Variants in THSD7B observed in about 807,000 individuals in gnomAD.
The protein encoded by THSD7B is thrombospondin type-1 domain-containing protein 7B.
Under a neutral mutation model 213.6 loss-of-function variants are expected in THSD7B, and 138 were observed. The ratio of observed to expected loss-of-function variants is 0.65; its 90% CI spans 0.56 to 0.74. The LOEUF (loss-of-function observed/expected upper bound fraction) is 0.74, where lower values mean the gene tolerates loss of function less well. THSD7B is among the 30% of genes least tolerant of loss of function. The pLI, the probability that THSD7B is intolerant of heterozygous loss-of-function variation, is 0.00. For synonymous variants in THSD7B, 742 were observed against 687.0 expected, an observed-to-expected ratio of 1.08 and a Z score of -1.25; for missense variants, 1,931 against 1,991.5, an observed-to-expected ratio of 0.97 and a Z score of 0.58.
chr2:137,160,367 A>G lies in THSD7B; in HGVS notation c.1524A>G (p.Lys508=), dbSNP rs370824809. The change falls in exon 6 of 28, where the codon AAA becomes AAG. Residue 508 remains lysine (K), a splice_region_variant and synonymous_variant. Transcript: ENST00000409968. ...HENCHDPQGK[K]GFRTRQRHVL... Reference sequence around the variant, plus strand: ...ACTGTCATGATCCTCAGGGGAAAAAAGGTGAGTGCCTTGTTTGCATGCGCT... The same window carrying G: ...ACTGTCATGATCCTCAGGGGAAAAAGGGTGAGTGCCTTGTTTGCATGCGCT... 7.4e-6 allele frequency: 12 copies of G among 1,611,256 alleles called. No individual in the cohort carries two copies. The highest frequency in any genetic ancestry group is 2.2e-5 in the East Asian group (1 of 44,808).
intron 10 of THSD7B, among the ~76,000 whole-genome samples, chr2:137,267,959 A>G (rs1340172778): frequency 2.0e-5 from 3 of 152,180 alleles, no homozygotes; most frequent in Admixed American, 1.3e-4. Context: ...GCCTTTGCCC[A>G]TCTTCTCTTA....
chr2:136,986,715 C>T (rs1388830106), intron 2 of THSD7B, among the ~76,000 whole-genome samples: 3 of 151,982 alleles, frequency 2.0e-5, no homozygotes, highest in Non-Finnish European at 4.4e-5. Flanking sequence ...TTTTGAAAGT[C>T]AGATTAGTGT....
chr2:137,300,960 G>A (rs1191190579), intron 12 of THSD7B, among the ~76,000 whole-genome samples: 1 of 152,078 alleles, frequency 6.6e-6, no homozygotes, highest in Non-Finnish European at 1.5e-5. Context: ...GGCATGATGA[G>A]GGCCGGTAAA....
At chr2:137,548,240 T>C (rs1338038350) in intron 15 of THSD7B, among the ~76,000 whole-genome samples, 4 of 152,028 alleles carry the variant, frequency 2.6e-5, no homozygotes, top group Admixed American at 2.6e-4. Flanking sequence ...ACAGGAAACT[T>C]GAATGTGTTC....
At chr2:136,853,778 C>A (rs1027512388) in intron 1 of THSD7B, among the ~76,000 whole-genome samples, 1 of 152,120 alleles carries the variant, frequency 6.6e-6, no homozygotes, top group Non-Finnish European at 1.5e-5. Flanking sequence ...GATTAGCATT[C>A]TATTGTGAGA....
intron 17 of THSD7B, among the ~76,000 whole-genome samples, chr2:137,577,957 G>A (rs1326493377): frequency 6.6e-6 from 1 of 152,192 alleles, no homozygotes; most frequent in Non-Finnish European, 1.5e-5. Flanking sequence ...ACATCTAAAA[G>A]TGATGGAATA....
chr2:137,363,438 T>G (rs1035368826), intron 12 of THSD7B, among the ~76,000 whole-genome samples: 3 of 152,048 alleles, frequency 2.0e-5, no homozygotes, highest in Non-Finnish European at 4.4e-5. Flanking sequence ...AAAAAATCAA[T>G]GAATCCAGGA....
At chr2:137,298,698 A>C (rs1683525612) in intron 12 of THSD7B, among the ~76,000 whole-genome samples, 1 of 152,182 alleles carries the variant, frequency 6.6e-6, no homozygotes, top group Admixed American at 6.5e-5. Context: ...GCCAATGTAC[A>C]GCTCAGGCTG....
At chr2:136,956,953 C>T (rs1685136605) in intron 2 of THSD7B, among the ~76,000 whole-genome samples, 1 of 152,110 alleles carries the variant, frequency 6.6e-6, no homozygotes. Flanking sequence ...GCTGGTATTA[C>T]AGGCATGAGC....
chr2:137,109,290 A>G (rs530673952), intron 4 of THSD7B, among the ~76,000 whole-genome samples: 136 of 152,296 alleles, frequency 8.9e-4, no homozygotes, highest in African/African-American at 3.1e-3. Context: ...ATTTTCCAGC[A>G]TATTTGGAAT....
At chr2:137,049,436 A>C (rs1034370614) in intron 2 of THSD7B, among the ~76,000 whole-genome samples, 26 of 152,218 alleles carry the variant, frequency 1.7e-4, no homozygotes, top group African/African-American at 5.3e-4. Flanking sequence ...AGGTTCTTTG[A>C]TCTCATGCAT....
At chr2:137,393,058 G>C (rs1055004154) in intron 12 of THSD7B, among the ~76,000 whole-genome samples, 1 of 151,152 alleles carries the variant, frequency 6.6e-6, no homozygotes, top group Admixed American at 6.6e-5. Flanking sequence ...CTCAATATTT[G>C]CTTATTTGGG....
intron 2 of THSD7B, among the ~76,000 whole-genome samples, chr2:136,967,127 G>GA (rs1437151610): frequency 6.6e-6 from 1 of 151,964 alleles, no homozygotes; most frequent in Admixed American, 6.6e-5. Context: ...GGGAGGTACT[G>GA]AAAAAAGCAT....
chr2:137,265,311 A>G (rs1682561728), intron 10 of THSD7B, among the ~76,000 whole-genome samples: 1 of 152,178 alleles, frequency 6.6e-6, no homozygotes, highest in Non-Finnish European at 1.5e-5. Context: ...AAGTCAGGAA[A>G]CAACAGGTGC....
chr2:137,573,505 T>A (rs959155251), intron 17 of THSD7B, among the ~76,000 whole-genome samples: 2 of 152,098 alleles, frequency 1.3e-5, no homozygotes, highest in African/African-American at 2.4e-5. Context: ...TTGTTATTTT[T>A]ATTTGTTGAG....
At chr2:136,857,179 G>T (rs932478945) in intron 1 of THSD7B, among the ~76,000 whole-genome samples, 7 of 152,152 alleles carry the variant, frequency 4.6e-5, no homozygotes, top group African/African-American at 1.7e-4. Context: ...ATTTGAAATT[G>T]CCACCAATTT....
At position 137,655,590 on chromosome 2, in the gene THSD7B, G is replaced by A. The variant is rs750398830; in HGVS notation, c.4035G>A (p.Glu1345=). 1.2e-6 allele frequency: 2 copies of A among 1,613,044 alleles called. No homozygotes were observed. Among genetic ancestry groups the A allele is most frequent in the South Asian group, 1.1e-5 (1 of 90,726 alleles). ...GSISHAAGRV[E]DALCGEMPFQ... ...TATCTCATGCAGCTGGACGTGTCGAGGATGCACTGTGTGGAGAAATGCCCT... is the reference window on the plus strand; with the variant it reads ...TATCTCATGCAGCTGGACGTGTCGAAGATGCACTGTGTGGAGAAATGCCCT... The change falls in exon 22 of 28, where the codon GAG becomes GAA. Residue 1345 remains glutamate, a synonymous_variant. Transcript: ENST00000409968.
chr2:136,869,553 C>T (rs550809450), intron 1 of THSD7B, among the ~76,000 whole-genome samples: 2 of 152,226 alleles, frequency 1.3e-5, no homozygotes, highest in East Asian at 3.9e-4. Flanking sequence ...TTAACGATAA[C>T]AGTCGTTGTT....
chr2:136,888,922 A>C (rs1162460740), intron 2 of THSD7B, among the ~76,000 whole-genome samples: 1 of 147,604 alleles, frequency 6.8e-6, no homozygotes, highest in Non-Finnish European at 1.5e-5. Flanking sequence ...CATTAAATAA[A>C]ATAAGGGACA....
Sources: gnomAD v4.1 joint callset for allele counts (sites outside exome capture counted in the v4.1 genomes callset) on GRCh38, gnomAD v4.1.1 for gene constraint, MANE v1.5 for transcripts, NCBI Gene and HGNC (gene_info 2026-07-23, HGNC 2026-07-21) for gene names.